The following POU6F1 variants were observed in gnomAD, a reference collection of about 807,000 sequenced individuals.
The protein encoded by POU6F1 is POU class 6 homeobox 1, also known as POU domain, class 6, transcription factor 1.
A neutral mutation model predicts 28.9 loss-of-function variants in POU6F1; 9 were observed. That is an observed-to-expected ratio of 0.31 (90% CI 0.19 to 0.54). The LOEUF (loss-of-function observed/expected upper bound fraction) is 0.54. POU6F1 is among the 20% of genes least tolerant of loss of function. The probability of loss-of-function intolerance (pLI) is 0.94; values close to 1 mark genes in which losing one functional copy is unlikely to be tolerated. For synonymous variants in POU6F1, 173 were observed against 171.1 expected, an observed-to-expected ratio of 1.01 and a Z score of -0.09; for missense variants, 338 against 426.1, an observed-to-expected ratio of 0.79 and a Z score of 1.82.
intron 2 of POU6F1, among the ~76,000 whole-genome samples, chr12:51,205,823 T>C (rs1449493141): frequency 1.4e-5 from 2 of 147,362 alleles, no homozygotes; most frequent in African/African-American, 2.6e-5. Context: ...TCTTTCTTTT[T>C]TTTTTTTTTT....
At position 51,199,740 on chromosome 12, in the gene POU6F1, C is replaced by A. The variant is rs1053257806; in HGVS notation, c.366+7G>T. On this transcript the variant is annotated splice_region_variant and intron_variant, in intron 4 of 10. Coordinates refer to ENST00000333640, the MANE Select transcript of POU6F1 (RefSeq NM_001330422.2). This position sits in a 1 kb window ranked among gnomAD's most constrained non-coding sequence, Gnocchi z 4.1. Reference sequence around the variant, plus strand: ...CCTTCTGTCCAGCTCCCGAGGGCAGCCCTTACCTGGGGGGCAGCTTGTACA... The same window carrying A: ...CCTTCTGTCCAGCTCCCGAGGGCAGACCTTACCTGGGGGGCAGCTTGTACA... 1.0e-5 allele frequency: 4 copies of A among 398,978 alleles called. No individual in the cohort carries two copies. Among genetic ancestry groups the A allele is most frequent in the Non-Finnish European group, 1.8e-5 (4 of 226,120 alleles). The allele number at this position is 398,978 out of a possible 1,614,324, so 24.7% of individuals were successfully genotyped here. A position where few individuals can be genotyped will look rare whatever the true frequency, so the allele number is the denominator to read the frequency against.
Position 51,192,434 on chromosome 12 carries a change from G to A in POU6F1, c.1217C>T (p.Pro406Leu). The A allele has an allele frequency of 6.2e-7, 1 of 1,613,900 alleles. No homozygotes were observed. Among genetic ancestry groups the A allele is most frequent in the Non-Finnish European group, 8.5e-7 (1 of 1,180,022 alleles). Residue 406 changes from proline (P) to leucine (L), a missense_variant, in exon 9 of 11, where the codon CCT becomes CTT. By Grantham distance (98) the Pro-to-Leu change is moderately conservative. Transcript: ENST00000333640. ...AGCTGGGCTGGCAATGACCACAGCA[G>A]GCTGGGGCACGGTTGGTGTGGGCTG... Reference protein sequence around the residue: ...PIQPTPTVPQPAVVIASPAPA... With the variant: ...PIQPTPTVPQLAVVIASPAPA...
intron 10 of POU6F1, 38 bp downstream of exon 10, chr12:51,191,558 G>A: frequency 3.1e-6 from 5 of 1,593,710 alleles, no homozygotes; most frequent in Non-Finnish European, 4.3e-6. Flanking sequence ...CCAGGCAGCT[G>A]AGCAGGCCCT....
rs1292267302 is a variant in POU6F1, at chr12:51,199,933, C to T, written c.245-65G>A. 2.0e-5 allele frequency: 8 copies of T among 399,286 alleles called. No homozygotes were observed. Among genetic ancestry groups the T allele is most frequent in the East Asian group, 7.1e-5 (2 of 28,098 alleles). The allele number at this position is 399,286 out of a possible 1,614,324, so 24.7% of individuals were successfully genotyped here. A position where few individuals can be genotyped will look rare whatever the true frequency, so the allele number is the denominator to read the frequency against. On this transcript the variant is annotated intron_variant, in intron 3 of 10. Transcript: ENST00000333640. The surrounding 1 kb of genome is among the most constrained non-coding windows in gnomAD (Gnocchi z 4.1). ...CCTGACGTGAGTGGAGGGGTCACCA[C>T]AGCAGTACATGACATCCCATCTGCA...
Position 51,217,907 on chromosome 12 carries a change from G to A in POU6F1, c.-313C>T, listed in dbSNP as rs1440271329. Among the ~76,000 whole-genome samples, 5 of 151,984 alleles carry A rather than the reference G, an allele frequency of 3.3e-5. No homozygotes were observed. The highest frequency in any genetic ancestry group is 3.3e-4 in the Admixed American group (5 of 15,280). On this transcript the variant is annotated 5_prime_UTR_variant, in exon 1 of 11. Coordinates refer to ENST00000333640, the MANE Select transcript of POU6F1 (RefSeq NM_001330422.2). This position sits in a 1 kb window ranked among gnomAD's most constrained non-coding sequence, Gnocchi z 5.3. ...TAAGCCGGGCGGAGAGGGGACGGCC[G>A]GGAAGCGGGAAGGGGAAGCCGGGTG...
At chr12:51,209,224 ACT>A (rs1480971127) in intron 1 of POU6F1, among the ~76,000 whole-genome samples, 1 of 152,182 alleles carries the variant, frequency 6.6e-6, no homozygotes. Context: ...CACCATCACC[ACT>A]GTCTAGTCCC....
chr12:51,191,957 A>G (rs146070725), intron 9 of POU6F1, among the ~76,000 whole-genome samples, 193 bp from the exon 10 acceptor site: 2 of 152,330 alleles, frequency 1.3e-5, no homozygotes, highest in African/African-American at 4.8e-5. Context: ...TAACCTCTCC[A>G]GGGGTAAGGA....
chr12:51,199,627 T>C lies in POU6F1; in HGVS notation c.366+120A>G, dbSNP rs1026415908. On this transcript the variant is annotated intron_variant, in intron 4 of 10. Coordinates refer to ENST00000333640, the MANE Select transcript of POU6F1 (RefSeq NM_001330422.2). This position sits in a 1 kb window ranked among gnomAD's most constrained non-coding sequence, Gnocchi z 4.1. ...GTGGGAGAGTCCCTCCCTCAAGCCA[T>C]AGCCCCTTCCCTGTCCTGCCCCCAT... 13 of 398,328 alleles carry C rather than the reference T, an allele frequency of 3.3e-5. No homozygotes were observed. The highest frequency in any genetic ancestry group is 6.2e-4 in the Middle Eastern group (1 of 1,610). The allele number at this position is 398,328 out of a possible 1,614,324, so 24.7% of individuals were successfully genotyped here.
In POU6F1 at chr12:51,189,948, A is replaced by C; in HGVS notation, c.*299T>G. On this transcript the variant is annotated 3_prime_UTR_variant, in exon 11 of 11. Coordinates refer to ENST00000333640, the MANE Select transcript of POU6F1 (RefSeq NM_001330422.2). ...AGGGAGTTTCTGGTTCCCCACCAGA[A>C]TTCACCCTTCAGAAACCATGCTAGC... The C allele has an allele frequency of 2.6e-6, 1 of 391,360 alleles. No homozygotes were observed. The highest frequency in any genetic ancestry group is 4.7e-6 in the Non-Finnish European group (1 of 214,862). The allele number at this position is 391,360 out of a possible 1,614,324, so 24.2% of individuals were successfully genotyped here. A position where few individuals can be genotyped will look rare whatever the true frequency, so the allele number is the denominator to read the frequency against.
Position 51,217,892 on chromosome 12 carries a change from G to A in POU6F1, c.-298C>T, listed in dbSNP as rs1482903320. On this transcript the variant is annotated 5_prime_UTR_variant, in exon 1 of 11. Transcript: ENST00000333640. This position sits in a 1 kb window ranked among gnomAD's most constrained non-coding sequence, Gnocchi z 5.3. ...GGGGGCTCCGCAGGCTAAGCCGGGC[G>A]GAGAGGGGACGGCCGGGAAGCGGGA... Among the ~76,000 whole-genome samples, 2 of 151,976 alleles carry A rather than the reference G, an allele frequency of 1.3e-5. No homozygotes were observed. Among genetic ancestry groups the A allele is most frequent in the African/African-American group, 4.8e-5 (2 of 41,424 alleles).
intron 1 of POU6F1, among the ~76,000 whole-genome samples, chr12:51,208,328 A>G (rs1943763972): frequency 6.6e-6 from 1 of 152,128 alleles, no homozygotes; most frequent in Non-Finnish European, 1.5e-5. Flanking sequence ...GAGACAGAGA[A>G]TCAGGCAAAT....
chr12:51,198,518 C>T, intron 5 of POU6F1, 32 bp downstream of exon 5: 4 of 399,214 alleles, frequency 1.0e-5, no homozygotes. Context: ...GGGTGGGGGG[C>T]CTGGTGCAGT....
intron 1 of POU6F1, among the ~76,000 whole-genome samples, chr12:51,214,647 G>A (rs1944193263): frequency 6.6e-6 from 1 of 152,120 alleles, no homozygotes; most frequent in African/African-American, 2.4e-5. Context: ...CAAATAAATA[G>A]GAGAGTAGAG....
At chr12:51,193,344 GGGGGC>G (rs1942572327) in intron 8 of POU6F1, among the ~76,000 whole-genome samples, 1 of 152,212 alleles carries the variant, frequency 6.6e-6, no homozygotes, top group Non-Finnish European at 1.5e-5. Context: ...GGAAGCCAAA[GGGGGC>G]GGATCACCTG....
Position 51,190,240 on chromosome 12 carries a change from C to T in POU6F1, c.*7G>A, listed in dbSNP as rs575665716. 3.1e-6 allele frequency: 5 copies of T among 1,613,610 alleles called. No homozygotes were observed. In the South Asian group the frequency reaches 5.5e-5, roughly 18 times the overall value. On this transcript the variant is annotated 3_prime_UTR_variant, in exon 11 of 11. Transcript: ENST00000333640. This position sits in a 1 kb window ranked among gnomAD's most constrained non-coding sequence, Gnocchi z 4.5. ...AAGTGCTAGAACACAGGGCCAGGGG[C>T]TGAGCCCTAAGGGATCTGAAAGACG...
chr12:51,205,425 T>A (rs1044025351), intron 2 of POU6F1, among the ~76,000 whole-genome samples: 1 of 152,194 alleles, frequency 6.6e-6, no homozygotes, highest in Non-Finnish European at 1.5e-5. Flanking sequence ...GCAATCTCCA[T>A]GCATGAGCGA....
intron 2 of POU6F1, among the ~76,000 whole-genome samples, chr12:51,204,855 G>T (rs116893960): frequency 6.6e-6 from 1 of 152,126 alleles, no homozygotes; most frequent in East Asian, 1.9e-4. Context: ...AAAGATAAAG[G>T]GATGGAAAAT....
Position 51,196,057 on chromosome 12 carries a change from C to T in POU6F1, c.1092G>A (p.Gln364=). 3 of 1,609,916 alleles carry T rather than the reference C, an allele frequency of 1.9e-6. No individual in the cohort carries two copies. The highest frequency in any genetic ancestry group is 2.5e-6 in the Non-Finnish European group (3 of 1,178,688). ...GGCTGCTAGCCAGGGTCGCAATCACCTGGCCCTGGGCGTTCAACAACAGCT... is the reference window on the plus strand; with the variant it reads ...GGCTGCTAGCCAGGGTCGCAATCACTTGGCCCTGGGCGTTCAACAACAGCT... ...TPQLLLNAQG[Q]VIATLASSPL... The change falls in exon 8 of 11, where the codon CAG becomes CAA. Residue 364 remains glutamine (Q), a synonymous_variant. Coordinates refer to ENST00000333640, the MANE Select transcript of POU6F1 (RefSeq NM_001330422.2).
At chr12:51,211,587 T>G (rs545982045) in intron 1 of POU6F1, among the ~76,000 whole-genome samples, 4 of 151,852 alleles carry the variant, frequency 2.6e-5, no homozygotes, top group Non-Finnish European at 5.9e-5. Context: ...TACAAAAAAT[T>G]GAAAAAATAA....
Sources: gnomAD v4.1 joint callset for allele counts (sites outside exome capture counted in the v4.1 genomes callset) on GRCh38, gnomAD v4.1.1 for gene constraint, Gnocchi (gnomAD v3.1) non-coding constraint, MANE v1.5 for transcripts, NCBI Gene and HGNC (gene_info 2026-07-23, HGNC 2026-07-21) for gene names.